The following MINDY4 variants were observed in gnomAD, a reference collection of about 807,000 sequenced individuals.
MINDY4 encodes the protein probable ubiquitin carboxyl-terminal hydrolase MINDY-4.
A neutral mutation model predicts 87.0 loss-of-function variants in MINDY4; 68 were observed. That is an observed-to-expected ratio of 0.78 (90% CI 0.64 to 0.96). The LOEUF (loss-of-function observed/expected upper bound fraction) is 0.96, where lower values mean the gene tolerates loss of function less well. MINDY4 is among the 40% of genes least tolerant of loss of function. The pLI, the probability that MINDY4 is intolerant of heterozygous loss-of-function variation, is 0.00. For synonymous variants in MINDY4, 379 were observed against 363.2 expected (o/e 1.04, Z -0.50); for missense variants, 919 against 928.2 (o/e 0.99, Z 0.13).
intron 17 of MINDY4, among the ~76,000 whole-genome samples, chr7:30,886,692 G>C (rs369733011): frequency 5.9e-5 from 9 of 152,214 alleles, no homozygotes; most frequent in Non-Finnish European, 1.2e-4. Flanking sequence ...CACAAGCCCA[G>C]ACTGCTGGTT....
At chr7:30,782,290 A>G in intron 3 of MINDY4, 78 bp downstream of exon 3, 3 of 1,091,192 alleles carry the variant, frequency 2.7e-6, no homozygotes, top group Non-Finnish European at 4.0e-6. Context: ...TGGCTGTTTC[A>G]GTCAGTATTC....
intron 3 of MINDY4, among the ~76,000 whole-genome samples, 153 bp from the exon 4 acceptor site, chr7:30,785,596 C>T (rs1787139584): frequency 6.6e-6 from 1 of 152,100 alleles, no homozygotes; most frequent in African/African-American, 2.4e-5. Flanking sequence ...TTTTCTGTTC[C>T]TTGTCTTTCA....
At position 30,875,553 on chromosome 7, in the gene MINDY4, T is replaced by C. The variant is rs1476009595; in HGVS notation, c.1868T>C (p.Val623Ala). ...KAVSNVFNDV[V>A]ELDSGDGNIT... The stretch of plus-strand genomic sequence containing the variant: ...GTGTCCAACGTTTTCAACGATGTGG[T>C]TGAGCTGGATTCTGGGGATGGGAAC... The change falls in exon 15 of 18, where the codon GTT becomes GCT. Residue 623 changes from valine to alanine, a missense_variant. Val to Ala is a moderately conservative substitution (Grantham distance 64, BLOSUM62 0). Transcript: ENST00000265299. The C allele has an allele frequency of 1.2e-6, 2 of 1,614,136 alleles. No homozygotes were observed. Among genetic ancestry groups the C allele is most frequent in the African/African-American group, 1.3e-5 (1 of 74,946 alleles).
intron 4 of MINDY4, among the ~76,000 whole-genome samples, chr7:30,788,767 G>C (rs560306588): frequency 6.6e-6 from 1 of 152,184 alleles, no homozygotes; most frequent in African/African-American, 2.4e-5. Flanking sequence ...CTAGATGGTC[G>C]TGCAGTGCCA....
chr7:30,879,241 A>T lies in MINDY4; in HGVS notation c.1972-2940A>T, dbSNP rs79420456. Among the ~76,000 whole-genome samples, 7 of 152,320 alleles carry T rather than the reference A, an allele frequency of 4.6e-5. No homozygotes were observed. In the South Asian group the frequency reaches 1.5e-3, roughly 32 times the overall value. ...AGGTCACTAGGGTGGGTCCCAATCC[A>T]GTATGGCTGGTATCCTCCTAAGCAG... On this transcript the variant is annotated intron_variant, in intron 15 of 17. Transcript: ENST00000265299.
chr7:30,869,523 C>T (rs1790039612), intron 13 of MINDY4, among the ~76,000 whole-genome samples: 1 of 152,084 alleles, frequency 6.6e-6, no homozygotes, highest in Non-Finnish European at 1.5e-5. Context: ...GGGTTGGTAC[C>T]TTGTCAGACC....
At chr7:30,782,500 G>A (rs58042948) in intron 3 of MINDY4, among the ~76,000 whole-genome samples, 5 of 152,086 alleles carry the variant, frequency 3.3e-5, no homozygotes, top group South Asian at 2.1e-4. Flanking sequence ...CTGGGAGTTC[G>A]AGTTCAGCCT....
At position 30,840,795 on chromosome 7, in the gene MINDY4, C is replaced by T. The variant is rs1323254302; in HGVS notation, c.1392C>T (p.Gly464=). ...GCGGAGTCCTGGCAGCTGTCCAAGGCTGTGTCCTACAGAAACTCCTGTTTG... is the reference window on the plus strand; with the variant it reads ...GCGGAGTCCTGGCAGCTGTCCAAGGTTGTGTCCTACAGAAACTCCTGTTTG... The part of the protein sequence containing the change: ...GPCGVLAAVQ[G]CVLQKLLFEG... Residue 464 remains glycine, a synonymous_variant, in exon 9 of 18, where the codon GGC becomes GGT. Coordinates refer to ENST00000265299, the MANE Select transcript of MINDY4 (RefSeq NM_032222.3). 2 of 1,614,164 alleles carry T rather than the reference C, an allele frequency of 1.2e-6. No homozygotes were observed. The highest frequency in any genetic ancestry group is 2.2e-5 in the South Asian group (2 of 91,070).
At chr7:30,849,621 C>G (rs1300543312) in intron 9 of MINDY4, among the ~76,000 whole-genome samples, 4 of 152,174 alleles carry the variant, frequency 2.6e-5, no homozygotes, top group Non-Finnish European at 5.9e-5. Context: ...GCCCCTCTGA[C>G]CCTTCTTCCT....
At position 30,815,950 on chromosome 7, in the gene MINDY4, T is replaced by G. The variant is rs144020635; in HGVS notation, c.1074-12729T>G. On this transcript the variant is annotated intron_variant, in intron 5 of 17. Transcript: ENST00000265299. ...CCTCAAATATCCAGCATGGGATAGA[T>G]TAAAATAAACCAAGATGAGAGTCAG... is the stretch of plus-strand genomic sequence containing the variant. Among the ~76,000 whole-genome samples the G allele has an allele frequency of 5.9e-5, 9 of 152,272 alleles. No homozygotes were observed. In the East Asian group the frequency reaches 1.7e-3, roughly 29 times the overall value.
intron 5 of MINDY4, among the ~76,000 whole-genome samples, chr7:30,821,702 G>A (rs1386951190): frequency 6.6e-6 from 1 of 151,932 alleles, no homozygotes; most frequent in Non-Finnish European, 1.5e-5. Context: ...TATGTATGTT[G>A]GACTTTAGAA....
intron 13 of MINDY4, among the ~76,000 whole-genome samples, chr7:30,863,088 C>T (rs1156708420): frequency 6.6e-6 from 1 of 152,134 alleles, no homozygotes; most frequent in Non-Finnish European, 1.5e-5. Context: ...TCTGCATACA[C>T]AGCTTAAAAA....
chr7:30,869,802 C>G (rs1484299132), intron 13 of MINDY4, among the ~76,000 whole-genome samples: 1 of 152,178 alleles, frequency 6.6e-6, no homozygotes, highest in African/African-American at 2.4e-5. Context: ...CACCTCTCAT[C>G]TTCTCCAGGC....
chr7:30,882,492 T>G, intron 16 of MINDY4, 131 bp downstream of exon 16: 1 of 850,364 alleles, frequency 1.2e-6, no homozygotes, highest in Non-Finnish European at 1.7e-6. Context: ...GCATCCAGAC[T>G]GGGGGATCAG....
chr7:30,891,982 A>C lies in MINDY4; in HGVS notation c.2251A>C (p.Asn751His), dbSNP rs780402699. ...GTGGAAGGGGGCATCAGTGAACTGG[A>C]ACGGCTCAGACCCCATCCTGTGACC... ...TKWKGASVNW[N>H]GSDPIL Residue 751 changes from asparagine to histidine, a missense_variant, in exon 18 of 18, where the codon AAC (asparagine) becomes CAC (histidine). Transcript: ENST00000265299. 6.2e-7 allele frequency: 1 copy of C among 1,614,086 alleles called. No homozygotes were observed. The highest frequency in any genetic ancestry group is 2.2e-5 in the East Asian group (1 of 44,872).
chr7:30,825,687 G>A (rs1788478512), intron 5 of MINDY4, among the ~76,000 whole-genome samples: 1 of 152,222 alleles, frequency 6.6e-6, no homozygotes, highest in Admixed American at 6.5e-5. Context: ...GAATCATCTG[G>A]CATTGAGCAC....
chr7:30,852,413 G>T, intron 11 of MINDY4, 134 bp downstream of exon 11: 1 of 1,501,448 alleles, frequency 6.7e-7, no homozygotes. Flanking sequence ...TCCTCATCCT[G>T]GGATTAGGGT....
chr7:30,799,485 A>C (rs1441036190), intron 5 of MINDY4, among the ~76,000 whole-genome samples: 1 of 152,156 alleles, frequency 6.6e-6, no homozygotes, highest in Non-Finnish European at 1.5e-5. Context: ...CAGCATTTTG[A>C]GCTGAAGGCA....
intron 5 of MINDY4, among the ~76,000 whole-genome samples, chr7:30,807,809 C>T (rs1787858042): frequency 6.6e-6 from 1 of 152,224 alleles, no homozygotes; most frequent in Non-Finnish European, 1.5e-5. Context: ...CCTGCTTGCT[C>T]AGTTGATCAC....
Sources: allele counts gnomAD v4.1 joint callset (sites outside exome capture counted in the v4.1 genomes callset), GRCh38; gene constraint gnomAD v4.1.1; transcripts MANE v1.5; gene names NCBI Gene and HGNC (gene_info 2026-07-23, HGNC 2026-07-21).